SPAG16: variants seen among roughly 807,000 people sequenced by gnomAD.
The protein encoded by SPAG16 is sperm associated antigen 16.
Under a neutral mutation model 80.4 loss-of-function variants are expected in SPAG16, and 86 were observed. The ratio of observed to expected loss-of-function variants is 1.07; its 90% confidence interval spans 0.90 to 1.28. The LOEUF (loss-of-function observed/expected upper bound fraction) is 1.28, where lower values mean the gene tolerates loss of function less well. Ranked by LOEUF, SPAG16 falls within the 50% of genes most tolerant of loss-of-function variation. SPAG16 has a pLI of 0.00. For synonymous variants in SPAG16, 294 were observed against 265.9 expected, an observed-to-expected ratio of 1.11 and a Z score of -1.03; for missense variants, 870 against 765.3, an observed-to-expected ratio of 1.14 and a Z score of -1.61.
intron 9 of SPAG16, among the ~76,000 whole-genome samples, chr2:213,408,822 A>T (rs961616715): frequency 6.6e-6 from 1 of 152,244 alleles, no homozygotes; most frequent in Non-Finnish European, 1.5e-5. Flanking sequence ...GGAACCATCT[A>T]TACCAATTCT....
At chr2:213,817,839 T>G (rs1241269774) in intron 10 of SPAG16, among the ~76,000 whole-genome samples, 3 of 152,060 alleles carry the variant, frequency 2.0e-5, no homozygotes, top group Admixed American at 2.0e-4. Context: ...GGGAGGTGGG[T>G]AAGTGTTGAA....
At chr2:213,904,360 A>C (rs10932514) in intron 11 of SPAG16, among the ~76,000 whole-genome samples, 2 of 151,894 alleles carry the variant, frequency 1.3e-5, no homozygotes, top group Admixed American at 6.6e-5. Context: ...AACTTCTTAC[A>C]TAGTGGCAGC....
intron 15 of SPAG16, among the ~76,000 whole-genome samples, chr2:214,288,799 C>T (rs928335542): frequency 1.6e-5 from 1 of 62,978 alleles, no homozygotes; most frequent in African/African-American, 5.2e-5. Flanking sequence ...GACGTTGTCT[C>T]GCTCTGTCAC....
chr2:214,397,764 C>A (rs1212378845), intron 15 of SPAG16, among the ~76,000 whole-genome samples: 1 of 152,130 alleles, frequency 6.6e-6, no homozygotes, highest in Non-Finnish European at 1.5e-5. Flanking sequence ...GTTTTCAAGG[C>A]CTACAATGTG....
At chr2:213,909,858 C>A (rs1186637332) in intron 11 of SPAG16, among the ~76,000 whole-genome samples, 1 of 152,182 alleles carries the variant, frequency 6.6e-6, no homozygotes, top group African/African-American at 2.4e-5. Flanking sequence ...TGTATCAAGG[C>A]TAAGGGTTTA....
At chr2:213,587,776 G>A (rs1338107947) in intron 10 of SPAG16, among the ~76,000 whole-genome samples, 2 of 151,678 alleles carry the variant, frequency 1.3e-5, no homozygotes, top group African/African-American at 2.4e-5. Flanking sequence ...TTTTTCAAAT[G>A]TAGTTCACTC....
Position 214,291,336 on chromosome 2 carries a change from T to C in SPAG16, c.1721-118804T>C, listed in dbSNP as rs367804589. Among the ~76,000 whole-genome samples the C allele has an allele frequency of 5.2e-3, 623 of 119,156 alleles. 7 individuals are homozygous for C. The highest frequency in any genetic ancestry group is 0.019 in the African/African-American group (593 of 30,476). The allele number at this position is 119,156 out of a possible 152,430, so 78.2% of individuals were successfully genotyped here. A position where few individuals can be genotyped will look rare whatever the true frequency, so the allele number is the denominator to read the frequency against. On this transcript the variant is annotated intron_variant, in intron 15 of 15. Transcript: ENST00000331683. ...TTTTTTTTTTTTTGAGACGGAGTCT[T>C]GCTCTGTCGCCCAGGCTGGAGTGCA...
At chr2:214,041,452 C>T (rs1214810703) in intron 13 of SPAG16, among the ~76,000 whole-genome samples, 12 of 143,228 alleles carry the variant, frequency 8.4e-5, no homozygotes, top group East Asian at 2.0e-4. Context: ...GTAGTAGTTT[C>T]TTTTTTTTTT....
At chr2:214,002,526 AAG>A (rs142931090) in intron 12 of SPAG16, among the ~76,000 whole-genome samples, 3 of 151,604 alleles carry the variant, frequency 2.0e-5, no homozygotes, top group Non-Finnish European at 4.4e-5. Flanking sequence ...CAATAGGAGA[AAG>A]AGAGAGAGAG....
At chr2:214,060,401 A>T (rs2050194850) in intron 13 of SPAG16, among the ~76,000 whole-genome samples, 1 of 152,214 alleles carries the variant, frequency 6.6e-6, no homozygotes, top group Non-Finnish European at 1.5e-5. Context: ...GGATAAAATG[A>T]AATGCTTTTT....
At chr2:214,389,916 T>A (rs1044320511) in intron 15 of SPAG16, among the ~76,000 whole-genome samples, 1 of 152,268 alleles carries the variant, frequency 6.6e-6, no homozygotes, top group Admixed American at 6.5e-5. Context: ...ATGTAAAACG[T>A]TGAAGTGACT....
At chr2:213,702,517 A>G (rs894148451) in intron 10 of SPAG16, among the ~76,000 whole-genome samples, 1 of 152,202 alleles carries the variant, frequency 6.6e-6, no homozygotes, top group Non-Finnish European at 1.5e-5. Flanking sequence ...TAAGAACTGT[A>G]ACGCCGCGAG....
intron 14 of SPAG16, among the ~76,000 whole-genome samples, chr2:214,116,759 C>G (rs537238917): frequency 2.0e-5 from 3 of 152,204 alleles, no homozygotes; most frequent in African/African-American, 7.2e-5. Flanking sequence ...ATCCTTGGAA[C>G]CTTTGTGAGA....
chr2:214,313,758 T>C (rs1442842642), intron 15 of SPAG16, among the ~76,000 whole-genome samples: 1 of 152,110 alleles, frequency 6.6e-6, no homozygotes, highest in Non-Finnish European at 1.5e-5. Flanking sequence ...AAATGAACAA[T>C]CAGATCTAAA....
intron 10 of SPAG16, among the ~76,000 whole-genome samples, chr2:213,702,424 G>A (rs1174910772): frequency 2.6e-5 from 4 of 152,100 alleles, no homozygotes; most frequent in South Asian, 2.1e-4. Flanking sequence ...AACACTCACC[G>A]CGAAGGTCTG....
rs181964939 is a variant in SPAG16, at chr2:213,302,029, A to G, written c.279+4672A>G. 1.2e-4 allele frequency among the ~76,000 whole-genome samples: 19 copies of G among 152,246 alleles called. No homozygotes were observed. The East Asian group carries it at 2.1e-3, about 17-fold the overall frequency. ...GTATCACTTCACCTAGCAGATTTCT[A>G]TTGTTGCAATCATAACACAATATAG... On this transcript the variant is annotated intron_variant, in intron 3 of 15. Coordinates refer to ENST00000331683, the MANE Select transcript of SPAG16 (RefSeq NM_024532.5).
chr2:214,195,322 T>TAGATAGATAGATAGATAGAC (rs2057798747), intron 15 of SPAG16, among the ~76,000 whole-genome samples: 1 of 151,738 alleles, frequency 6.6e-6, no homozygotes, highest in Non-Finnish European at 1.5e-5. Flanking sequence ...GATAGATAGA[T>TAGATAGATAGATAGATAGAC]AGATAGATAG....
At chr2:213,575,243 A>G (rs1327472320) in intron 10 of SPAG16, among the ~76,000 whole-genome samples, 4 of 152,186 alleles carry the variant, frequency 2.6e-5, no homozygotes, top group Non-Finnish European at 4.4e-5. Flanking sequence ...TCAGAGTTGA[A>G]TGCATTAGTT....
chr2:213,956,032 A>C (rs1334822254), intron 12 of SPAG16, among the ~76,000 whole-genome samples: 3 of 151,948 alleles, frequency 2.0e-5, no homozygotes, highest in Non-Finnish European at 4.4e-5. Flanking sequence ...ATCTCGGCTC[A>C]CTGCAATCTC....
Sources: allele counts gnomAD v4.1 joint callset (sites outside exome capture counted in the v4.1 genomes callset), GRCh38; gene constraint gnomAD v4.1.1; transcripts MANE v1.5; gene names NCBI Gene and HGNC (gene_info 2026-07-23, HGNC 2026-07-21).